The following CCDC192 variants were observed in gnomAD, a reference collection of about 807,000 sequenced individuals.
CCDC192 encodes coiled-coil domain-containing protein 192.
chr5:127,735,405 A>T (rs1461655673), intron 2 of CCDC192, among the ~76,000 whole-genome samples: 2 of 149,142 alleles, frequency 1.3e-5, no homozygotes, highest in African/African-American at 5.1e-5. Flanking sequence ...TGTCTTGGAA[A>T]TGTGGGCTCT....
chr5:127,911,838 C>T (rs911074427), intron 6 of CCDC192, among the ~76,000 whole-genome samples: 1 of 151,726 alleles, frequency 6.6e-6, no homozygotes, highest in Non-Finnish European at 1.5e-5. Flanking sequence ...TCCTCAGTAG[C>T]TGGGACTACA....
In CCDC192 at chr5:127,822,920, C is replaced by T. The variant is rs1749360458; in HGVS notation, c.411+24758C>T. Among the ~76,000 whole-genome samples, 3 of 152,282 alleles carry T rather than the reference C, an allele frequency of 2.0e-5. No homozygotes were observed. In the South Asian group the frequency reaches 6.2e-4, roughly 32 times the overall value. ...GGTTAGACCATGTCTGCCTTGTAGGCTGGATATCTTCTTGTGGTTCCAGGT... is the reference window on the plus strand; with the variant it reads ...GGTTAGACCATGTCTGCCTTGTAGGTTGGATATCTTCTTGTGGTTCCAGGT... On this transcript the variant is annotated intron_variant, in intron 5 of 6. Coordinates refer to ENST00000514853, the MANE Select transcript of CCDC192 (RefSeq NM_001317938.2).
chr5:127,797,775 ATATTTATT>A (rs1179907318), intron 4 of CCDC192, among the ~76,000 whole-genome samples: 17 of 127,468 alleles, frequency 1.3e-4, no homozygotes, highest in African/African-American at 2.8e-4. Flanking sequence ...ATATATATAT[ATATTTATT>A]TATTTATTTA....
At chr5:127,902,084 A>T (rs956937327) in intron 6 of CCDC192, among the ~76,000 whole-genome samples, 1 of 152,182 alleles carries the variant, frequency 6.6e-6, no homozygotes, top group African/African-American at 2.4e-5. Context: ...CAGCCTGGCC[A>T]ACATGGTGAA....
chr5:127,874,686 C>A (rs1028475345), intron 5 of CCDC192, among the ~76,000 whole-genome samples: 1 of 152,100 alleles, frequency 6.6e-6, no homozygotes, highest in Admixed American at 6.5e-5. Context: ...TCCTAATTAC[C>A]AGCCCACAAA....
chr5:127,707,957 A>G (rs1321822756), intron 2 of CCDC192, among the ~76,000 whole-genome samples, 197 bp downstream of exon 2: 1 of 152,118 alleles, frequency 6.6e-6, no homozygotes, highest in Non-Finnish European at 1.5e-5. Flanking sequence ...AGTGGTAACT[A>G]TGGGATGTTA....
At chr5:127,876,356 T>C (rs1752078550) in intron 6 of CCDC192, among the ~76,000 whole-genome samples, 1 of 152,210 alleles carries the variant, frequency 6.6e-6, no homozygotes. Context: ...TCCATGTCTA[T>C]TTAATTCTAA....
At chr5:127,862,497 A>G (rs1751410276) in intron 5 of CCDC192, among the ~76,000 whole-genome samples, 1 of 152,244 alleles carries the variant, frequency 6.6e-6, no homozygotes, top group Admixed American at 6.5e-5. Context: ...AACCAACCAG[A>G]AAGCCTAAAA....
intron 6 of CCDC192, among the ~76,000 whole-genome samples, chr5:127,921,175 AAAAG>A (rs1753709887): frequency 6.6e-6 from 1 of 151,608 alleles, no homozygotes; most frequent in Non-Finnish European, 1.5e-5. Context: ...AAAAGAAAAG[AAAAG>A]AAGGAAGGAA....
In CCDC192 at chr5:127,830,194, C is replaced by T. The variant is rs565567706; in HGVS notation, c.411+32032C>T. On this transcript the variant is annotated intron_variant, in intron 5 of 6. Transcript: ENST00000514853. ...AAAAAAATCAAGGATTCCTGTAGCA[C>T]GTGTGTGTCTTTTTCTGGTTGATTT... Among the ~76,000 whole-genome samples, 5 of 152,106 alleles carry T rather than the reference C, an allele frequency of 3.3e-5. No individual in the cohort carries two copies. The South Asian group carries it at 6.2e-4, about 19-fold the overall frequency.
chr5:127,894,717 T>C (rs1048926487), intron 6 of CCDC192, among the ~76,000 whole-genome samples: 1 of 152,168 alleles, frequency 6.6e-6, no homozygotes, highest in African/African-American at 2.4e-5. Flanking sequence ...ACCAGTATGG[T>C]AATATAAGAT....
At chr5:127,755,220 T>G (rs933378310) in intron 3 of CCDC192, among the ~76,000 whole-genome samples, 1 of 152,148 alleles carries the variant, frequency 6.6e-6, no homozygotes, top group Non-Finnish European at 1.5e-5. Flanking sequence ...TAAAAGTATA[T>G]TTTAGATACA....
chr5:127,815,149 A>G (rs1011742029), intron 5 of CCDC192, among the ~76,000 whole-genome samples: 16 of 152,172 alleles, frequency 1.1e-4, no homozygotes, highest in Admixed American at 1.0e-3. Flanking sequence ...GTTCATGGGC[A>G]TATTTTCAGA....
chr5:127,747,591 G>A (rs1753851971), intron 2 of CCDC192, among the ~76,000 whole-genome samples: 1 of 151,864 alleles, frequency 6.6e-6, no homozygotes, highest in African/African-American at 2.4e-5. Flanking sequence ...CTTTATAGCA[G>A]CATGATTTAT....
chr5:127,920,574 C>A (rs1188923185), intron 6 of CCDC192, among the ~76,000 whole-genome samples: 1 of 151,742 alleles, frequency 6.6e-6, no homozygotes, highest in East Asian at 2.0e-4. Flanking sequence ...CCACACCTGG[C>A]TAATTTTTGT....
At chr5:127,902,315 A>T (rs1021510929) in intron 6 of CCDC192, among the ~76,000 whole-genome samples, 1 of 151,872 alleles carries the variant, frequency 6.6e-6, no homozygotes, top group Non-Finnish European at 1.5e-5. Context: ...TAAGAACCAC[A>T]TAATCTAGGC....
intron 3 of CCDC192, among the ~76,000 whole-genome samples, chr5:127,770,432 C>T (rs916736558): frequency 6.6e-6 from 1 of 152,234 alleles, no homozygotes; most frequent in Non-Finnish European, 1.5e-5. Flanking sequence ...AGAAAGCTCT[C>T]AGAGGTCAGA....
At position 127,761,047 on chromosome 5, in the gene CCDC192, A is replaced by G. The variant is rs150181127; in HGVS notation, c.222+6672A>G. Among the ~76,000 whole-genome samples, 454 of 152,356 alleles carry G rather than the reference A, an allele frequency of 3.0e-3. 2 individuals carry two copies. The highest frequency in any genetic ancestry group is 0.01 in the African/African-American group (419 of 41,576). Reference sequence around the variant, plus strand: ...TCCGTTCTGAAAAAGACTTGTATCTATTCTGACTGGCTCCCCAACATCCTG... The same window carrying G: ...TCCGTTCTGAAAAAGACTTGTATCTGTTCTGACTGGCTCCCCAACATCCTG... On this transcript the variant is annotated intron_variant, in intron 3 of 6. Transcript: ENST00000514853.
chr5:127,749,710 A>C (rs957506539), intron 2 of CCDC192, among the ~76,000 whole-genome samples: 88 of 152,082 alleles, frequency 5.8e-4, no homozygotes, highest in Non-Finnish European at 7.8e-4. Context: ...CCTTTTACCT[A>C]TGGTAGAATT....
Sources: gnomAD v4.1 joint callset for allele counts (sites outside exome capture counted in the v4.1 genomes callset) on GRCh38, gnomAD v4.1.1 for gene constraint, MANE v1.5 for transcripts, NCBI Gene and HGNC (gene_info 2026-07-23, HGNC 2026-07-21) for gene names.